FBXO15: variants seen among roughly 807,000 people sequenced by gnomAD.
The protein encoded by FBXO15 is F-box only protein 15.
Under a neutral mutation model 49.5 loss-of-function variants are expected in FBXO15, and 30 were observed. The observed-to-expected ratio is 0.61, with a 90% CI of 0.45 to 0.82. The LOEUF (loss-of-function observed/expected upper bound fraction) is 0.82, where lower values mean the gene tolerates loss of function less well. Ranked by LOEUF, FBXO15 falls within the 40% of genes least tolerant of loss-of-function variation. The pLI is 0.00. For missense variants in FBXO15, 591 were observed against 631.5 expected (o/e 0.94, Z 0.69); for synonymous variants, 250 against 232.7 (o/e 1.07, Z -0.68).
chr18:74,114,901 T>C (rs1179739049), intron 8 of FBXO15, among the ~76,000 whole-genome samples: 1 of 152,022 alleles, frequency 6.6e-6, no homozygotes, highest in African/African-American at 2.4e-5. Flanking sequence ...GGAGAAGCAG[T>C]CAAATAAACC....
At chr18:74,135,995 G>T in intron 2 of FBXO15, 129 bp from the exon 3 acceptor site, 2 of 629,760 alleles carry the variant, frequency 3.2e-6, no homozygotes, top group Admixed American at 3.1e-5. Context: ...CTGTACAAGA[G>T]GCAAACTGTA....
chr18:74,087,365 T>A (rs1912792016), intron 8 of FBXO15, among the ~76,000 whole-genome samples: 1 of 152,192 alleles, frequency 6.6e-6, no homozygotes. Context: ...GATAGGTAGT[T>A]TTTGGATCTT....
chr18:74,088,825 C>G (rs1033504470), intron 8 of FBXO15, among the ~76,000 whole-genome samples: 1 of 152,128 alleles, frequency 6.6e-6, no homozygotes, highest in African/African-American at 2.4e-5. Flanking sequence ...ATTGATTTTT[C>G]CTATCCATCA....
chr18:74,089,029 C>CGTG (rs1912887380), intron 8 of FBXO15, among the ~76,000 whole-genome samples: 1 of 152,132 alleles, frequency 6.6e-6, no homozygotes, highest in Non-Finnish European at 1.5e-5. Flanking sequence ...AGGTTTGTTA[C>CGTG]ACAGATAAAT....
chr18:74,113,245 A>G (rs1914105372), intron 8 of FBXO15, among the ~76,000 whole-genome samples: 1 of 152,204 alleles, frequency 6.6e-6, no homozygotes, highest in African/African-American at 2.4e-5. Flanking sequence ...CTAAAAAAGG[A>G]AAAAGTATGG....
At chr18:74,131,839 A>C (rs1026096542) in intron 3 of FBXO15, among the ~76,000 whole-genome samples, 1 of 152,226 alleles carries the variant, frequency 6.6e-6, no homozygotes, top group Non-Finnish European at 1.5e-5. Context: ...CGATTCCCCC[A>C]CAGAGCAGTG....
rs370667896 is a variant in FBXO15, at chr18:74,128,014, T to C, written c.785+1391A>G. Among the ~76,000 whole-genome samples, 3 of 152,306 alleles carry C rather than the reference T, an allele frequency of 2.0e-5. No homozygotes were observed. In the South Asian group the frequency reaches 6.2e-4, roughly 32 times the overall value. ...TAATTTTGAAATGCATAAAGCCTAA[T>C]TACTACATTAGAAAAAGCTGGCTTC... On this transcript the variant is annotated intron_variant, in intron 5 of 9. Transcript: ENST00000419743.
In FBXO15 at chr18:74,135,833, G is replaced by A; in HGVS notation, c.261C>T (p.Ser87=). The A allele has an allele frequency of 6.2e-7, 1 of 1,611,758 alleles. No homozygotes were observed. Residue 87 remains serine (S), a synonymous_variant, in exon 3 of 10, where the codon TCC becomes TCT. Transcript: ENST00000419743. ...MPSEILLKIF[S]YLDAVSLLCT... ...ACAGAAGGCTCACAGCATCCAAGTA[G>A]GAAAATATCTTCAGCAAGATTTCTG...
chr18:74,105,609 G>T (rs1330140561), intron 8 of FBXO15, among the ~76,000 whole-genome samples: 5 of 148,810 alleles, frequency 3.4e-5, no homozygotes, highest in Middle Eastern at 3.4e-3. Context: ...CCAGCTTATG[G>T]TTTTTTTTTT....
intron 8 of FBXO15, among the ~76,000 whole-genome samples, chr18:74,085,203 G>C (rs1203262179): frequency 6.7e-6 from 1 of 149,668 alleles, no homozygotes; most frequent in African/African-American, 2.5e-5. Context: ...AAATGCTATG[G>C]ACCTAAAATA....
intron 7 of FBXO15, among the ~76,000 whole-genome samples, chr18:74,123,715 C>T (rs1448528354): frequency 6.6e-6 from 1 of 152,116 alleles, no homozygotes; most frequent in Non-Finnish European, 1.5e-5. Flanking sequence ...TAAAAACAGG[C>T]AATGATGTGA....
chr18:74,107,498 C>G (rs951023941), intron 8 of FBXO15, among the ~76,000 whole-genome samples: 2 of 152,132 alleles, frequency 1.3e-5, no homozygotes, highest in African/African-American at 4.8e-5. Context: ...AGTGAAGTCA[C>G]AGGGCAAACC....
intron 8 of FBXO15, among the ~76,000 whole-genome samples, chr18:74,110,194 C>CATATATAT (rs58739905): frequency 0.13 from 18,315 of 143,420 alleles, 1,296 homozygotes; most frequent in African/African-American, 0.15. Context: ...CATATGTGTG[C>CATATATAT]ATATATATAT....
chr18:74,118,309 G>T (rs551645004), intron 8 of FBXO15, among the ~76,000 whole-genome samples: 1 of 151,766 alleles, frequency 6.6e-6, no homozygotes, highest in Non-Finnish European at 1.5e-5. Context: ...ATAAAGGTAG[G>T]CCAGGGTGTG....
rs565543654 is a variant in FBXO15, at chr18:74,126,121, G to A, written c.786-20C>T. 1.9e-6 allele frequency: 3 copies of A among 1,612,300 alleles called. No homozygotes were observed. Among genetic ancestry groups the A allele is most frequent in the Admixed American group, 1.7e-5 (1 of 59,964 alleles). On this transcript the variant is annotated intron_variant, in intron 5 of 9. Transcript: ENST00000419743. ...CGGAGTCTTTGAACGTTATGCCAAG[G>A]AAAGGAGAGAGAGAAGTGAGCTTTC...
intron 9 of FBXO15, among the ~76,000 whole-genome samples, chr18:74,076,794 A>C (rs548794580): frequency 1.3e-5 from 2 of 152,274 alleles, no homozygotes; most frequent in Admixed American, 1.3e-4. Context: ...ACCTGGCCTC[A>C]TCCGCCCATC....
At chr18:74,110,874 TG>T (rs1913995124) in intron 8 of FBXO15, among the ~76,000 whole-genome samples, 1 of 152,182 alleles carries the variant, frequency 6.6e-6, no homozygotes, top group Non-Finnish European at 1.5e-5. Flanking sequence ...ATTCTTAATG[TG>T]TATGTGATTA....
intron 9 of FBXO15, among the ~76,000 whole-genome samples, chr18:74,079,184 G>A (rs761079300): frequency 1.6e-4 from 24 of 152,282 alleles, no homozygotes; most frequent in Admixed American, 7.2e-4. Context: ...AGAAACATAC[G>A]GGAAAAGCCT....
intron 1 of FBXO15, among the ~76,000 whole-genome samples, chr18:74,141,469 A>C (rs1181050040): frequency 1.3e-5 from 2 of 152,224 alleles, no homozygotes; most frequent in South Asian, 4.1e-4. Context: ...GTTCACCAAC[A>C]TCATTGCTTT....
Sources: gnomAD v4.1 joint callset for allele counts (sites outside exome capture counted in the v4.1 genomes callset) on GRCh38, gnomAD v4.1.1 for gene constraint, MANE v1.5 for transcripts, NCBI Gene and HGNC (gene_info 2026-07-23, HGNC 2026-07-21) for gene names.